MARK4: variants seen among roughly 807,000 people sequenced by gnomAD.
MARK4 encodes the protein MAP/microtubule affinity-regulating kinase 4.
Under a neutral mutation model 81.5 loss-of-function variants are expected in MARK4, and 19 were observed. The observed-to-expected ratio is 0.23, with a 90% CI of 0.16 to 0.34. MARK4 has a LOEUF of 0.34. MARK4 is among the 10% of genes least tolerant of loss of function. MARK4 has a pLI of 1.00. For synonymous variants in MARK4, 436 were observed against 439.0 expected (o/e 0.99, Z 0.08); for missense variants, 772 against 1,058.8 (o/e 0.73, Z 3.76).
chr19:45,266,090 CAG>C (rs1970449908), intron 6 of MARK4, 133 bp from the exon 7 acceptor site: 4 of 851,750 alleles, frequency 4.7e-6, no homozygotes, highest in Non-Finnish European at 4.0e-6. Context: ...GTGACTGAAT[CAG>C]GGTGTGAGGC....
Position 45,262,037 on chromosome 19 carries a change from T to A in MARK4, c.253-1076T>A, listed in dbSNP as rs115011189. Among the ~76,000 whole-genome samples, 535 of 152,240 alleles carry A rather than the reference T, an allele frequency of 3.5e-3. 5 individuals are homozygous for A. The highest frequency in any genetic ancestry group is 0.012 in the African/African-American group (512 of 41,554). On this transcript the variant is annotated intron_variant, in intron 2 of 16. Coordinates refer to ENST00000262891, the MANE Select transcript of MARK4 (RefSeq NM_001199867.2). The stretch of plus-strand genomic sequence containing the variant: ...TCAAAGCTGTTTTAAAAGTTGTGTT[T>A]AAGAGGTAGATTCCATCAGGCTGCA...
intron 13 of MARK4, among the ~76,000 whole-genome samples, chr19:45,294,099 C>T (rs1970853751): frequency 6.6e-6 from 1 of 152,088 alleles, no homozygotes; most frequent in Non-Finnish European, 1.5e-5. Flanking sequence ...GGAAACCTTC[C>T]CTGCCTCGTT....
chr19:45,272,606 T>A (rs117700812), intron 8 of MARK4, among the ~76,000 whole-genome samples: 2,907 of 152,164 alleles, frequency 0.019, 56 homozygotes, highest in Non-Finnish European at 0.032. Context: ...TTCAATGTAG[T>A]GGCCGGCCTG....
chr19:45,268,607 T>G (rs565164656), intron 7 of MARK4, among the ~76,000 whole-genome samples: 2 of 146,706 alleles, frequency 1.4e-5, no homozygotes, highest in East Asian at 4.0e-4. Context: ...AGAAAAAAAA[T>G]TAGCTTGTAT....
At chr19:45,264,227 C>T (rs889378712) in intron 4 of MARK4, among the ~76,000 whole-genome samples, 6 of 151,488 alleles carry the variant, frequency 4.0e-5, no homozygotes, top group Non-Finnish European at 5.9e-5. Flanking sequence ...GGTGGCTGGG[C>T]GCGGTGGCTC....
chr19:45,300,344 G>GGAAAAAAAAAAAA (rs1970951747), intron 16 of MARK4, among the ~76,000 whole-genome samples: 2 of 32,338 alleles, frequency 6.2e-5, no homozygotes, highest in Non-Finnish European at 1.1e-4. Flanking sequence ...AACTCCGTCT[G>GGAAAAAAAAAAAA]AAAAAAAAAA....
chr19:45,293,294 A>G (rs534838496), intron 13 of MARK4, among the ~76,000 whole-genome samples: 8 of 152,256 alleles, frequency 5.3e-5, no homozygotes, highest in South Asian at 2.1e-4. Context: ...ATAAAATCCA[A>G]TGGACCCCTG....
intron 1 of MARK4, among the ~76,000 whole-genome samples, 160 bp downstream of exon 1, chr19:45,251,799 C>T (rs1208688461): frequency 1.3e-5 from 2 of 151,914 alleles, no homozygotes; most frequent in Admixed American, 6.5e-5. Context: ...CCTCTCCACC[C>T]TCCCCACCTT....
intron 8 of MARK4, among the ~76,000 whole-genome samples, chr19:45,275,782 G>T (rs1331540591): frequency 6.6e-6 from 1 of 152,188 alleles, no homozygotes; most frequent in Non-Finnish European, 1.5e-5. Context: ...CGGGCTTCGC[G>T]GCGTTGTGAA....
chr19:45,272,360 C>T (rs1472557145), intron 8 of MARK4, among the ~76,000 whole-genome samples: 2 of 152,000 alleles, frequency 1.3e-5, no homozygotes, highest in Non-Finnish European at 2.9e-5. Context: ...CAAACCCTGC[C>T]CTCGTATATG....
chr19:45,304,530 C>G lies in MARK4; in HGVS notation c.*1820C>G, dbSNP rs1466673918. On this transcript the variant is annotated 3_prime_UTR_variant, in exon 17 of 17. Transcript: ENST00000262891. The stretch of plus-strand genomic sequence containing the variant: ...GGCCAAAATGAATAAGCTGGACTTT[C>G]TCCCCATGGCACTGGGGAACCATGG... The G allele has an allele frequency of 2.6e-5, 4 of 152,272 alleles. No individual in the cohort carries two copies. The East Asian group carries it at 7.7e-4, about 29-fold the overall frequency. 9.4% of individuals were successfully genotyped at this position (152,272 alleles called of 1,614,324 possible). A position where few individuals can be genotyped will look rare whatever the true frequency, so the allele number is the denominator to read the frequency against.
chr19:45,270,392 C>T (rs1311054731), intron 7 of MARK4, among the ~76,000 whole-genome samples: 1 of 152,164 alleles, frequency 6.6e-6, no homozygotes, highest in Non-Finnish European at 1.5e-5. Flanking sequence ...TGATAGTCCA[C>T]AGAGCCCAGT....
At chr19:45,300,985 T>A (rs550339454) in intron 16 of MARK4, among the ~76,000 whole-genome samples, 1 of 152,148 alleles carries the variant, frequency 6.6e-6, no homozygotes, top group African/African-American at 2.4e-5. Context: ...AGAGCAGCAC[T>A]CTCGTACTTC....
intron 6 of MARK4, among the ~76,000 whole-genome samples, chr19:45,265,497 TG>T (rs891515328): frequency 9.9e-4 from 149 of 150,330 alleles, no homozygotes; most frequent in African/African-American, 3.5e-3. Flanking sequence ...TGTAAGAGTG[TG>T]GGGGGGGCCA....
intron 2 of MARK4, among the ~76,000 whole-genome samples, chr19:45,262,353 C>T (rs1003348055): frequency 8.1e-4 from 8 of 9,898 alleles, no homozygotes; most frequent in African/African-American, 1.8e-3. Flanking sequence ...GAAAAGGGGG[C>T]GGGGGGGTGG....
chr19:45,299,725 C>A, intron 15 of MARK4, 86 bp from the exon 16 acceptor site: 35 of 1,264,306 alleles, frequency 2.8e-5, no homozygotes, highest in Non-Finnish European at 3.7e-5. Context: ...GAGGCAGGGG[C>A]TGCTTGGAGT....
chr19:45,267,467 G>A (rs1252604065), intron 7 of MARK4, among the ~76,000 whole-genome samples: 1 of 152,174 alleles, frequency 6.6e-6, no homozygotes, highest in Non-Finnish European at 1.5e-5. Flanking sequence ...CAGCCTCCTC[G>A]AGTACCTGTG....
rs192814991 is a variant in MARK4 at position 45,282,818 on chromosome 19, C to T, written c.1276+2084C>T. ...CAGCCTGGGCCACAGAGCGAGACTC[C>T]GCCACCCCGCCCCCTAAAAAATTAA... On this transcript the variant is annotated intron_variant, in intron 12 of 16. Coordinates refer to ENST00000262891, the MANE Select transcript of MARK4 (RefSeq NM_001199867.2). Among the ~76,000 whole-genome samples the T allele has an allele frequency of 2.1e-4, 32 of 151,762 alleles. No homozygotes were observed. In the East Asian group the frequency reaches 4.9e-3, roughly 23 times the overall value.
At position 45,271,597 on chromosome 19, in the gene MARK4, G is replaced by A. The variant is rs1970528168; in HGVS notation, c.675G>A (p.Glu225=). 1.2e-6 allele frequency: 2 copies of A among 1,614,144 alleles called. No individual in the cohort carries two copies. The highest frequency in any genetic ancestry group is 2.2e-5 in the East Asian group (1 of 44,902). ...GGAGCCCCCCATATGCCGCCCCGGA[G>A]CTGTTTCAGGGCAAGAAGTACGACG... ...FCGSPPYAAP[E]LFQGKKYDGP... Residue 225 remains glutamate (E), a synonymous_variant, in exon 8 of 17, where the codon GAG becomes GAA. Coordinates refer to ENST00000262891, the MANE Select transcript of MARK4 (RefSeq NM_001199867.2). The surrounding 1 kb of genome is among the most constrained non-coding windows in gnomAD (Gnocchi z 4.1).
Sources: allele counts gnomAD v4.1 joint callset (sites outside exome capture counted in the v4.1 genomes callset), GRCh38; gene constraint gnomAD v4.1.1; non-coding constraint Gnocchi (gnomAD v3.1); transcripts MANE v1.5; gene names NCBI Gene and HGNC (gene_info 2026-07-23, HGNC 2026-07-21).